The following KCNN2 variants were observed in gnomAD, a reference collection of about 807,000 sequenced individuals.
KCNN2 encodes the protein small conductance calcium-activated potassium channel protein 2.
In KCNN2, 24 loss-of-function variants were observed where a neutral mutation model predicts 55.5. The observed-to-expected ratio is 0.43, with a 90% CI of 0.31 to 0.61. The LOEUF is 0.61. Among genes scored for constraint, KCNN2 ranks in the 20% least tolerant of loss-of-function variants. The probability of loss-of-function intolerance (pLI) is 0.08; values close to 1 mark genes in which losing one functional copy is unlikely to be tolerated. For missense variants in KCNN2, 754 were observed against 853.6 expected, an observed-to-expected ratio of 0.88 and a Z score of 1.45; for synonymous variants, 431 against 336.1, an observed-to-expected ratio of 1.28 and a Z score of -3.09.
At position 114,443,485 on chromosome 5, in the gene KCNN2, G is replaced by A. The variant is rs142750861; in HGVS notation, c.1638-19564G>A. Among the ~76,000 whole-genome samples, 698 of 152,254 alleles carry A rather than the reference G, an allele frequency of 4.6e-3. 1 individual carries two copies. The highest frequency in any genetic ancestry group is 7.1e-3 in the Non-Finnish European group (486 of 68,028). On this transcript the variant is annotated intron_variant, in intron 3 of 7. Coordinates refer to ENST00000673685, the MANE Select transcript of KCNN2 (RefSeq NM_021614.4). ...TTAGAATCATTAGGCTAAATGCTTC[G>A]TTGGGATTATGTAAGGAATGCCTTG...
chr5:114,145,717 T>A (rs182642523), intron 1 of KCNN2, among the ~76,000 whole-genome samples: 131 of 152,216 alleles, frequency 8.6e-4, no homozygotes, highest in South Asian at 5.8e-3. Context: ...TCCATCCATA[T>A]CATGGCTCAA....
intron 2 of KCNN2, among the ~76,000 whole-genome samples, chr5:114,263,170 A>G (rs938129648): frequency 2.6e-5 from 4 of 152,012 alleles, no homozygotes; most frequent in Non-Finnish European, 5.9e-5. Context: ...AAGCTGAAAA[A>G]GGAAAAAAAA....
chr5:114,262,993 T>G (rs930268256), intron 2 of KCNN2, among the ~76,000 whole-genome samples: 1 of 152,162 alleles, frequency 6.6e-6, no homozygotes, highest in African/African-American at 2.4e-5. Flanking sequence ...CAAAAAGACC[T>G]AATAAAAATA....
At chr5:114,446,647 G>C (rs1159820772) in intron 3 of KCNN2, among the ~76,000 whole-genome samples, 2 of 152,118 alleles carry the variant, frequency 1.3e-5, no homozygotes, top group African/African-American at 4.8e-5. Flanking sequence ...TTTTGGTAGA[G>C]ACAGGGTTTC....
intron 3 of KCNN2, among the ~76,000 whole-genome samples, chr5:114,410,129 G>A (rs1343633089): frequency 6.6e-6 from 1 of 152,128 alleles, no homozygotes; most frequent in Non-Finnish European, 1.5e-5. Flanking sequence ...CCAGGCCAAG[G>A]CATTTAATCA....
intron 2 of KCNN2, among the ~76,000 whole-genome samples, chr5:114,266,731 C>G (rs761684289): frequency 1.3e-5 from 2 of 152,128 alleles, no homozygotes; most frequent in African/African-American, 4.8e-5. Context: ...GAAGTTTCTT[C>G]GTTGCACACC....
chr5:114,424,577 AT>A (rs1402623137), intron 3 of KCNN2, among the ~76,000 whole-genome samples: 1 of 152,176 alleles, frequency 6.6e-6, no homozygotes, highest in Non-Finnish European at 1.5e-5. Flanking sequence ...TGCTGCTCAT[AT>A]TTTAGAAGGA....
intron 2 of KCNN2, among the ~76,000 whole-genome samples, chr5:114,298,101 C>T (rs62382906): frequency 0.1 from 15,528 of 152,148 alleles, 976 homozygotes; most frequent in Middle Eastern, 0.2. Flanking sequence ...GTAAGTGCTC[C>T]GTAGATGCTA....
chr5:114,176,972 T>G (rs965065930), intron 1 of KCNN2, among the ~76,000 whole-genome samples: 5 of 152,146 alleles, frequency 3.3e-5, no homozygotes, highest in Admixed American at 1.3e-4. Context: ...AGGAACAGTT[T>G]TTTTTTAAAC....
At chr5:114,394,909 C>G (rs1207260202) in intron 2 of KCNN2, among the ~76,000 whole-genome samples, 1 of 152,172 alleles carries the variant, frequency 6.6e-6, no homozygotes, top group East Asian at 1.9e-4. Flanking sequence ...GTGGCTGCTT[C>G]TCCCTTGTTA....
At chr5:114,065,721 T>G (rs954107186) in intron 1 of KCNN2, among the ~76,000 whole-genome samples, 2 of 152,138 alleles carry the variant, frequency 1.3e-5, no homozygotes, top group Admixed American at 6.5e-5. Context: ...TGGTTCTTAT[T>G]TTACTATTTT....
intron 2 of KCNN2, among the ~76,000 whole-genome samples, chr5:114,273,652 T>G (rs1755420527): frequency 6.6e-6 from 1 of 152,264 alleles, no homozygotes; most frequent in Admixed American, 6.5e-5. Context: ...GATGTTTTCT[T>G]TTGAGAAGTG....
chr5:114,182,678 C>G (rs1312766883), intron 1 of KCNN2, among the ~76,000 whole-genome samples: 1 of 152,028 alleles, frequency 6.6e-6, no homozygotes, highest in South Asian at 2.1e-4. Context: ...CAACTGTTAG[C>G]TGCAAATATG....
intron 1 of KCNN2, among the ~76,000 whole-genome samples, chr5:114,142,019 T>C (rs549948728): frequency 9.2e-5 from 14 of 152,324 alleles, no homozygotes; most frequent in African/African-American, 3.1e-4. Context: ...TCTTTGTAGA[T>C]TCTGGATATT....
At chr5:114,315,126 C>A (rs1393892397) in intron 2 of KCNN2, among the ~76,000 whole-genome samples, 2 of 152,138 alleles carry the variant, frequency 1.3e-5, no homozygotes, top group African/African-American at 4.8e-5. Flanking sequence ...CTGCTCTCAA[C>A]CATCCTTGTC....
At chr5:114,132,754 G>A (rs1222532158) in intron 1 of KCNN2, among the ~76,000 whole-genome samples, 1 of 152,134 alleles carries the variant, frequency 6.6e-6, no homozygotes. Flanking sequence ...AGTAGTCTTA[G>A]GTAAGGTCTT....
intron 3 of KCNN2, among the ~76,000 whole-genome samples, chr5:114,437,564 G>A (rs1385024769): frequency 1.3e-5 from 2 of 152,138 alleles, no homozygotes; most frequent in Non-Finnish European, 2.9e-5. Context: ...AAGATGGCAA[G>A]AGCTAAAAGT....
At chr5:114,483,626 T>A (rs558408815) in intron 5 of KCNN2, among the ~76,000 whole-genome samples, 43 of 152,162 alleles carry the variant, frequency 2.8e-4, no homozygotes, top group African/African-American at 9.6e-4. Context: ...ATTATAAAAA[T>A]TATTGATATG....
At chr5:114,299,317 C>T (rs1314402573) in intron 2 of KCNN2, among the ~76,000 whole-genome samples, 1 of 152,068 alleles carries the variant, frequency 6.6e-6, no homozygotes, top group Non-Finnish European at 1.5e-5. Context: ...TACTTTGGCT[C>T]AGAGAATGCC....
Sources: allele counts gnomAD v4.1 joint callset (sites outside exome capture counted in the v4.1 genomes callset), GRCh38; gene constraint gnomAD v4.1.1; transcripts MANE v1.5; gene names NCBI Gene and HGNC (gene_info 2026-07-23, HGNC 2026-07-21).